The following SNX29 variants were observed in gnomAD, a reference collection of about 807,000 sequenced individuals.
The protein encoded by SNX29 is sorting nexin 29, also known as sorting nexin-29.
Under a neutral mutation model 102.1 loss-of-function variants are expected in SNX29, and 78 were observed. The ratio of observed to expected loss-of-function variants is 0.76; its 90% confidence interval spans 0.64 to 0.92. The LOEUF is 0.92. SNX29 is among the 40% of genes least tolerant of loss of function. The probability of loss-of-function intolerance (pLI) is 0.00; values close to 1 mark genes in which losing one functional copy is unlikely to be tolerated. For synonymous variants in SNX29, 580 were observed against 414.5 expected (o/e 1.40, Z -4.85); for missense variants, 1,280 against 1,061.7 (o/e 1.21, Z -2.86).
At chr16:12,077,223 G>A (rs914955962) in intron 10 of SNX29, among the ~76,000 whole-genome samples, 2 of 151,914 alleles carry the variant, frequency 1.3e-5, no homozygotes, top group Admixed American at 6.6e-5. Context: ...AGCCTTCAGC[G>A]AGCTGAGATT....
rs565398523 is a variant in SNX29 at position 12,048,093 on chromosome 16, C to T, written c.500-279C>T. Among the ~76,000 whole-genome samples the T allele has an allele frequency of 2.9e-4, 44 of 151,856 alleles. 1 individual carries two copies. The highest frequency in any genetic ancestry group is 1.0e-3 in the African/African-American group (43 of 41,414). The stretch of plus-strand genomic sequence containing the variant: ...ATTTTCCTGGCTGTTAGGGAGAGAA[C>T]GTGGCATGACTCAACTCCCATGATA... On this transcript the variant is annotated intron_variant, in intron 6 of 20. Transcript: ENST00000566228.
chr16:12,407,459 C>T lies in SNX29; in HGVS notation c.2037+3930C>T, dbSNP rs9928404. ...TTTAGGTAAAAAGGAAATGAGTCAG[C>T]TTAAAGAAAGCTACTAAATAAACAA... On this transcript the variant is annotated intron_variant, in intron 18 of 20. Coordinates refer to ENST00000566228, the MANE Select transcript of SNX29 (RefSeq NM_032167.5). Among the ~76,000 whole-genome samples the T allele has an allele frequency of 6.9e-3, 1,054 of 152,112 alleles. 19 individuals are homozygous for T. Among genetic ancestry groups the T allele is most frequent in the African/African-American group, 0.024 (1,008 of 41,484 alleles).
At chr16:12,176,459 C>G (rs111419905) in intron 13 of SNX29, among the ~76,000 whole-genome samples, 3,243 of 152,262 alleles carry the variant, frequency 0.021, 60 homozygotes, top group Admixed American at 0.048. Flanking sequence ...TCCATAGATT[C>G]AACCAACTGC....
At chr16:12,241,870 C>T (rs905799772) in intron 14 of SNX29, among the ~76,000 whole-genome samples, 2 of 152,168 alleles carry the variant, frequency 1.3e-5, no homozygotes, top group Non-Finnish European at 2.9e-5. Flanking sequence ...AGGATGATTG[C>T]AGCAGTTCCA....
intron 15 of SNX29, among the ~76,000 whole-genome samples, chr16:12,302,693 T>A (rs1013799591): frequency 6.6e-6 from 1 of 152,212 alleles, no homozygotes; most frequent in African/African-American, 2.4e-5. Context: ...CATTGCGCTT[T>A]TGAGGGAACA....
At chr16:12,556,059 T>G (rs1028699331) in intron 20 of SNX29, among the ~76,000 whole-genome samples, 1 of 151,520 alleles carries the variant, frequency 6.6e-6, no homozygotes, top group Admixed American at 6.7e-5. Flanking sequence ...TAAAGGGTGC[T>G]TTTCTTATTA....
At chr16:12,534,036 G>A (rs4781248) in intron 20 of SNX29, among the ~76,000 whole-genome samples, 80,322 of 152,214 alleles carry the variant, frequency 0.53, 23,316 homozygotes, top group Non-Finnish European at 0.67. Context: ...TGGTGCATAA[G>A]TCTGTTTAAC....
chr16:12,211,630 T>C (rs2077186245), intron 14 of SNX29, among the ~76,000 whole-genome samples: 1 of 152,172 alleles, frequency 6.6e-6, no homozygotes, highest in African/African-American at 2.4e-5. Context: ...ACCCATGTTA[T>C]GGTGGCATCT....
At chr16:12,496,305 G>C (rs988716009) in intron 19 of SNX29, among the ~76,000 whole-genome samples, 2 of 152,126 alleles carry the variant, frequency 1.3e-5, no homozygotes, top group African/African-American at 4.8e-5. Flanking sequence ...CCGTGGTGGT[G>C]GTGATGATAA....
intron 14 of SNX29, among the ~76,000 whole-genome samples, chr16:12,212,855 G>C (rs949949490): frequency 6.6e-6 from 1 of 152,088 alleles, no homozygotes; most frequent in South Asian, 2.1e-4. Flanking sequence ...GGCTCATGCC[G>C]GTAATCCCAG....
At chr16:12,241,593 C>T (rs112323472) in intron 14 of SNX29, among the ~76,000 whole-genome samples, 3,833 of 152,060 alleles carry the variant, frequency 0.025, 106 homozygotes, top group African/African-American at 0.069. Flanking sequence ...TCCTGGGTAG[C>T]GGGGATTACA....
intron 13 of SNX29, among the ~76,000 whole-genome samples, chr16:12,193,114 A>T (rs971609760): frequency 1.3e-5 from 2 of 152,206 alleles, no homozygotes; most frequent in Non-Finnish European, 1.5e-5. Flanking sequence ...CAATTACAGG[A>T]ATGTGCCACT....
At chr16:12,074,038 C>A (rs569825521) in intron 10 of SNX29, among the ~76,000 whole-genome samples, 5 of 152,016 alleles carry the variant, frequency 3.3e-5, no homozygotes, top group African/African-American at 1.2e-4. Context: ...CTTCCTCCAT[C>A]CTTTTATTTT....
chr16:12,526,216 A>G (rs1433161131), intron 20 of SNX29, among the ~76,000 whole-genome samples: 1 of 151,978 alleles, frequency 6.6e-6, no homozygotes, highest in African/African-American at 2.4e-5. Flanking sequence ...CGGTTGTTCT[A>G]ATGGTGTTGC....
intron 20 of SNX29, among the ~76,000 whole-genome samples, chr16:12,539,704 T>C (rs533861623): frequency 5.0e-4 from 76 of 152,346 alleles, no homozygotes; most frequent in Admixed American, 4.0e-3. Context: ...TGTCATACTG[T>C]CATGATTCTT....
intron 14 of SNX29, among the ~76,000 whole-genome samples, chr16:12,227,575 A>G (rs568380081): frequency 1.3e-5 from 2 of 152,218 alleles, no homozygotes; most frequent in African/African-American, 4.8e-5. Context: ...ATGGGGGGAA[A>G]GTAAGTTCTC....
At position 12,477,575 on chromosome 16, in the gene SNX29, C is replaced by G. The variant is rs187974055; in HGVS notation, c.2038-144C>G. On this transcript the variant is annotated intron_variant, in intron 18 of 20. Transcript: ENST00000566228. The stretch of plus-strand genomic sequence containing the variant: ...CAGCTAGCACTAATAAATCCCTGCT[C>G]TATGCCAGGAACTGGGCATCCAGTG... 1,684 of 920,752 alleles carry G rather than the reference C, an allele frequency of 1.8e-3. 4 individuals carry two copies. Among genetic ancestry groups the G allele is most frequent in the Non-Finnish European group, 1.9e-3 (1,143 of 608,516 alleles). 57.0% of individuals were successfully genotyped at this position (920,752 alleles called of 1,614,324 possible). A position where few individuals can be genotyped will look rare whatever the true frequency, so the allele number is the denominator to read the frequency against.
intron 14 of SNX29, among the ~76,000 whole-genome samples, chr16:12,270,856 A>G (rs971965891): frequency 6.6e-6 from 1 of 152,028 alleles, no homozygotes; most frequent in Non-Finnish European, 1.5e-5. Flanking sequence ...CACCTGGTCA[A>G]TGTGGTGAAA....
At chr16:12,065,064 G>A (rs138516620) in intron 9 of SNX29, among the ~76,000 whole-genome samples, 2 of 152,220 alleles carry the variant, frequency 1.3e-5, no homozygotes, top group African/African-American at 4.8e-5. Context: ...TGTTGGGAGG[G>A]AGAAAGGAGC....
Sources: allele counts gnomAD v4.1 joint callset (sites outside exome capture counted in the v4.1 genomes callset), GRCh38; gene constraint gnomAD v4.1.1; transcripts MANE v1.5; gene names NCBI Gene and HGNC (gene_info 2026-07-23, HGNC 2026-07-21).